Variants in PGM5 observed in about 807,000 individuals in gnomAD.
PGM5 encodes phosphoglucomutase-like protein 5.
In PGM5, 23 loss-of-function variants were observed where a neutral mutation model predicts 59.2. That is an observed-to-expected ratio of 0.39 (90% CI 0.28 to 0.55). The LOEUF (loss-of-function observed/expected upper bound fraction) is 0.55. PGM5 is among the 20% of genes least tolerant of loss of function. PGM5 has a pLI of 0.66. For synonymous variants in PGM5, 214 were observed against 286.0 expected (o/e 0.75, Z 2.54); for missense variants, 574 against 748.3 (o/e 0.77, Z 2.72).
At chr9:68,514,833 A>G (rs1316511926) in intron 10 of PGM5, among the ~76,000 whole-genome samples, 1 of 152,198 alleles carries the variant, frequency 6.6e-6, no homozygotes, top group East Asian at 1.9e-4. Flanking sequence ...GCATGCAGAA[A>G]ATAACCCAGA....
chr9:68,468,007 A>G (rs964200783), intron 7 of PGM5, among the ~76,000 whole-genome samples: 1 of 148,936 alleles, frequency 6.7e-6, no homozygotes, highest in Non-Finnish European at 1.5e-5. Context: ...CCTAAAACCT[A>G]CAACCCACCC....
chr9:68,435,972 C>T (rs1386527624), intron 6 of PGM5, among the ~76,000 whole-genome samples: 1 of 152,182 alleles, frequency 6.6e-6, no homozygotes, highest in African/African-American at 2.4e-5. Flanking sequence ...ACATGCATTG[C>T]ACCTACCAGA....
chr9:68,504,564 T>C (rs1317599990), intron 10 of PGM5, among the ~76,000 whole-genome samples: 1 of 152,176 alleles, frequency 6.6e-6, no homozygotes, highest in Non-Finnish European at 1.5e-5. Context: ...CCTGAAATGC[T>C]TTTCCTTCTG....
At chr9:68,450,015 G>A (rs1823670850) in intron 6 of PGM5, among the ~76,000 whole-genome samples, 1 of 152,146 alleles carries the variant, frequency 6.6e-6, no homozygotes, top group African/African-American at 2.4e-5. Context: ...GACCAGTATA[G>A]TCAGCATGCT....
intron 7 of PGM5, among the ~76,000 whole-genome samples, chr9:68,472,024 T>G (rs1362422487): frequency 1.3e-5 from 2 of 151,356 alleles, no homozygotes; most frequent in Non-Finnish European, 2.9e-5. Flanking sequence ...GCTGGTATGC[T>G]CTGTGAGGGA....
chr9:68,471,332 A>G (rs913769582), intron 7 of PGM5, among the ~76,000 whole-genome samples: 3 of 152,152 alleles, frequency 2.0e-5, no homozygotes, highest in African/African-American at 7.2e-5. Context: ...GGGATTTAAA[A>G]TACAATCCCT....
At chr9:68,379,420 C>T (rs1410759283) in intron 2 of PGM5, among the ~76,000 whole-genome samples, 8 of 152,060 alleles carry the variant, frequency 5.3e-5, no homozygotes, top group South Asian at 4.1e-4. Flanking sequence ...ACGTTTTACA[C>T]GTTATCCAAA....
chr9:68,425,304 T>C (rs1823216147), intron 6 of PGM5, among the ~76,000 whole-genome samples: 3 of 152,192 alleles, frequency 2.0e-5, no homozygotes, highest in Non-Finnish European at 4.4e-5. Flanking sequence ...TTTCAAAAGA[T>C]GGCAGGCAGG....
At chr9:68,520,024 A>G (rs931783776) in intron 10 of PGM5, among the ~76,000 whole-genome samples, 2 of 150,764 alleles carry the variant, frequency 1.3e-5, no homozygotes, top group African/African-American at 4.9e-5. Context: ...TGGGAAATTG[A>G]TGATGCAGTC....
At chr9:68,484,894 C>A (rs1462660770) in intron 9 of PGM5, among the ~76,000 whole-genome samples, 33 of 152,134 alleles carry the variant, frequency 2.2e-4, no homozygotes, top group Admixed American at 2.2e-3. Flanking sequence ...AGTTTTGGAC[C>A]ACATTCCCAC....
intron 6 of PGM5, among the ~76,000 whole-genome samples, chr9:68,423,629 A>ATC (rs368417025): frequency 0.016 from 2,073 of 129,366 alleles, 53 homozygotes; most frequent in African/African-American, 0.053. Flanking sequence ...AGAGCACAAA[A>ATC]TCTCTCTCTC....
rs1370446239 is a variant in PGM5, at chr9:68,437,464, C to T, written c.1044-27629C>T. ...ATATCTCTTTCAGATTGGTGTTGTG[C>T]TTTACACGATACTGTATTACAAAGC... On this transcript the variant is annotated intron_variant, in intron 6 of 10. Transcript: ENST00000396396. The surrounding 1 kb of genome is among the most constrained non-coding windows in gnomAD (Gnocchi z 4.1). Among the ~76,000 whole-genome samples, 4 of 152,130 alleles carry T rather than the reference C, an allele frequency of 2.6e-5. No individual in the cohort carries two copies. Among genetic ancestry groups the T allele is most frequent in the African/African-American group, 9.7e-5 (4 of 41,410 alleles).
chr9:68,360,637 C>T (rs1343605289), intron 1 of PGM5, among the ~76,000 whole-genome samples: 1 of 151,686 alleles, frequency 6.6e-6, no homozygotes, highest in Non-Finnish European at 1.5e-5. Context: ...AATTTTCAAA[C>T]TTTCAGAAAA....
chr9:68,429,019 A>G (rs1412815148), intron 6 of PGM5: 1 of 152,210 alleles, frequency 6.6e-6, no homozygotes, highest in East Asian at 1.9e-4. Flanking sequence ...CTTGATCTGC[A>G]AAATGAAGAT....
intron 10 of PGM5, among the ~76,000 whole-genome samples, chr9:68,529,344 T>G (rs1825043260): frequency 6.6e-6 from 1 of 152,142 alleles, no homozygotes; most frequent in Non-Finnish European, 1.5e-5. Flanking sequence ...AAATTTCTTT[T>G]GAAGCTGGTT....
chr9:68,364,997 A>T (rs1483360168), intron 1 of PGM5, among the ~76,000 whole-genome samples: 20 of 152,260 alleles, frequency 1.3e-4, no homozygotes, highest in Non-Finnish European at 2.6e-4. Context: ...AACTTGCCCT[A>T]AGAATTTTCT....
At chr9:68,378,959 G>T (rs1386398190) in intron 2 of PGM5, among the ~76,000 whole-genome samples, 5 of 152,048 alleles carry the variant, frequency 3.3e-5, no homozygotes, top group African/African-American at 1.2e-4. Flanking sequence ...TAGATAACAT[G>T]TACCCATTAT....
At chr9:68,444,688 A>G (rs1471342027) in intron 6 of PGM5, among the ~76,000 whole-genome samples, 1 of 152,152 alleles carries the variant, frequency 6.6e-6, no homozygotes, top group Non-Finnish European at 1.5e-5. Flanking sequence ...TGGGGAGGGG[A>G]AAAGTTCTAC....
intron 6 of PGM5, among the ~76,000 whole-genome samples, chr9:68,445,196 G>A (rs1554683942): frequency 6.6e-6 from 1 of 151,642 alleles, no homozygotes; most frequent in Non-Finnish European, 1.5e-5. Flanking sequence ...AATCTTATCA[G>A]GATTAGATAG....
Sources: gnomAD v4.1 joint callset for allele counts (sites outside exome capture counted in the v4.1 genomes callset) on GRCh38, gnomAD v4.1.1 for gene constraint, Gnocchi (gnomAD v3.1) non-coding constraint, MANE v1.5 for transcripts, NCBI Gene and HGNC (gene_info 2026-07-23, HGNC 2026-07-21) for gene names.